The following IL19 variants were observed in gnomAD, a reference collection of about 807,000 sequenced individuals.
The protein encoded by IL19 is interleukin 19.
In IL19, 15 loss-of-function variants were observed where a neutral mutation model predicts 19.5. The ratio of observed to expected loss-of-function variants is 0.77; its 90% CI spans 0.52 to 1.19. IL19 has a LOEUF of 1.19. IL19 is among the 50% of genes most tolerant of loss of function. IL19 has a pLI of 0.00. For synonymous variants in IL19, 78 were observed against 78.3 expected (o/e 1.00, Z 0.02); for missense variants, 199 against 213.1 (o/e 0.93, Z 0.41).
chr1:206,776,670 C>T lies in IL19; in HGVS notation c.-149+5592C>T, dbSNP rs537854400. 4.1e-4 allele frequency among the ~76,000 whole-genome samples: 63 copies of T among 152,030 alleles called. 1 individual carries two copies. Among genetic ancestry groups the T allele is most frequent in the East Asian group, 1.4e-3 (7 of 5,172 alleles). On this transcript the variant is annotated intron_variant, in intron 1 of 6. Coordinates refer to ENST00000659997, the MANE Select transcript of IL19 (RefSeq NM_153758.5). ...AGGTGACCGCATATACCTTTAAACA[C>T]GGGGCTTGCAACTTAGCTCACACCC... is the stretch of plus-strand genomic sequence containing the variant.
chr1:206,796,266 G>A (rs973607733), intron 1 of IL19, among the ~76,000 whole-genome samples: 5 of 152,096 alleles, frequency 3.3e-5, no homozygotes, highest in Admixed American at 6.5e-5. Flanking sequence ...ACTGGCAGGG[G>A]CAATCTGCTT....
At position 206,777,801 on chromosome 1, in the gene IL19, T is replaced by C. The variant is rs534206813; in HGVS notation, c.-149+6723T>C. On this transcript the variant is annotated intron_variant, in intron 1 of 6. Transcript: ENST00000659997. Reference sequence around the variant, plus strand: ...AGCTGATAACGGGAGTTTCATTTCTTCTTATCCAGGACATTTAGTGTGTAA... The same window carrying C: ...AGCTGATAACGGGAGTTTCATTTCTCCTTATCCAGGACATTTAGTGTGTAA... Among the ~76,000 whole-genome samples, 3 of 152,380 alleles carry C rather than the reference T, an allele frequency of 2.0e-5. No individual in the cohort carries two copies. The South Asian group carries it at 6.2e-4, about 32-fold the overall frequency.
At chr1:206,789,475 T>C (rs1305678401) in intron 1 of IL19, among the ~76,000 whole-genome samples, 1 of 152,226 alleles carries the variant, frequency 6.6e-6, no homozygotes. Context: ...CCTAGAATAA[T>C]GGCCTCCAGT....
At chr1:206,834,544 G>A in intron 2 of IL19, 1 of 629,134 alleles carries the variant, frequency 1.6e-6, no homozygotes, top group African/African-American at 2.0e-5. Context: ...AATGGGAAGG[G>A]GTACTCTATA....
chr1:206,834,599 A>G (rs1676721699), intron 2 of IL19, among the ~76,000 whole-genome samples: 1 of 152,234 alleles, frequency 6.6e-6, no homozygotes, highest in Non-Finnish European at 1.5e-5. Flanking sequence ...GAGAAGAGAT[A>G]GAGAGTGGGA....
rs147523856 is a variant in IL19 at position 206,839,015 on chromosome 1, G to A, written c.211-835G>A. On this transcript the variant is annotated intron_variant, in intron 4 of 6. Transcript: ENST00000659997. ...AGGCTTTGCTTCTTGAATGAAGATGGGTGTGCTGTCCCACCGTTAACCACT... is the reference window on the plus strand; with the variant it reads ...AGGCTTTGCTTCTTGAATGAAGATGAGTGTGCTGTCCCACCGTTAACCACT... 1.2e-3 allele frequency among the ~76,000 whole-genome samples: 176 copies of A among 152,230 alleles called. 1 individual carries two copies. Among genetic ancestry groups the A allele is most frequent in the African/African-American group, 4.1e-3 (171 of 41,540 alleles).
intron 2 of IL19, among the ~76,000 whole-genome samples, chr1:206,832,504 T>C (rs1217241169): frequency 2.0e-5 from 3 of 152,214 alleles, no homozygotes; most frequent in African/African-American, 7.2e-5. Context: ...TGCCTGGCCA[T>C]ACCCTCGTCT....
chr1:206,772,513 C>A, intron 1 of IL19: 1 of 1,349,016 alleles, frequency 7.4e-7, no homozygotes, highest in South Asian at 1.2e-5. Flanking sequence ...ACCTCTCTGT[C>A]CCCCTTTTAT....
In IL19 at chr1:206,807,115, C is replaced by G. The variant is rs1204849311; in HGVS notation, c.-3+8109C>G. ...AGTGCTGAGCAAAGAGGGAAAAGCC[C>G]CTTACAAAACCAGCAGATCTCATGA... On this transcript the variant is annotated intron_variant, in intron 2 of 6. Coordinates refer to ENST00000659997, the MANE Select transcript of IL19 (RefSeq NM_153758.5). Among the ~76,000 whole-genome samples, 2 of 152,092 alleles carry G rather than the reference C, an allele frequency of 1.3e-5. 1 individual carries two copies. Among genetic ancestry groups the G allele is most frequent in the Non-Finnish European group, 2.9e-5 (2 of 68,008 alleles).
At chr1:206,806,410 C>G (rs1558613395) in intron 2 of IL19, among the ~76,000 whole-genome samples, 1 of 152,062 alleles carries the variant, frequency 6.6e-6, no homozygotes, top group Non-Finnish European at 1.5e-5. Flanking sequence ...TAAAATACTA[C>G]AAAAACTCAA....
chr1:206,780,359 G>T (rs528555423), intron 1 of IL19, among the ~76,000 whole-genome samples: 7 of 152,326 alleles, frequency 4.6e-5, no homozygotes, highest in African/African-American at 1.4e-4. Context: ...TTTGTTGGCT[G>T]ACTGGGCGGC....
intron 2 of IL19, among the ~76,000 whole-genome samples, chr1:206,826,126 C>T (rs923832559): frequency 6.6e-6 from 1 of 152,170 alleles, no homozygotes; most frequent in Non-Finnish European, 1.5e-5. Context: ...CAAAATAAGT[C>T]CTCAAGGGCT....
chr1:206,807,543 A>T (rs894062399), intron 2 of IL19, among the ~76,000 whole-genome samples: 2 of 152,094 alleles, frequency 1.3e-5, no homozygotes, highest in African/African-American at 4.8e-5. Flanking sequence ...CTTTCTCATT[A>T]CATCTCAGCT....
chr1:206,817,020 A>T (rs571859260), intron 2 of IL19, among the ~76,000 whole-genome samples: 27 of 152,342 alleles, frequency 1.8e-4, no homozygotes, highest in African/African-American at 5.5e-4. Context: ...AGCTGGCAGG[A>T]TATCAGATAA....
At position 206,774,934 on chromosome 1, in the gene IL19, T is replaced by TAC. The variant is rs545819491; in HGVS notation, c.-149+3870_-149+3871dup. Among the ~76,000 whole-genome samples, 286 of 151,304 alleles carry TAC rather than the reference T, an allele frequency of 1.9e-3. 1 individual carries two copies. The highest frequency in any genetic ancestry group is 9.5e-3 in the East Asian group (49 of 5,158). On this transcript the variant is annotated intron_variant, in intron 1 of 6. Transcript: ENST00000659997. ...TCCTTATATGAGATGTGTGTGTAAA[T>TAC]ACACACACACACACATACAAAATGT...
intron 2 of IL19, among the ~76,000 whole-genome samples, chr1:206,834,859 G>A (rs1229164941): frequency 6.6e-6 from 1 of 152,174 alleles, no homozygotes; most frequent in African/African-American, 2.4e-5. Context: ...GGGTGGAGTA[G>A]CAGTAAAGAC....
chr1:206,797,111 TAG>T (rs1340065328), intron 1 of IL19, among the ~76,000 whole-genome samples: 2 of 152,194 alleles, frequency 1.3e-5, no homozygotes, highest in Non-Finnish European at 2.9e-5. Context: ...CCCTGCAGTG[TAG>T]AGACTTTGCT....
chr1:206,774,002 C>T (rs1317155008), intron 1 of IL19, among the ~76,000 whole-genome samples: 1 of 152,194 alleles, frequency 6.6e-6, no homozygotes, highest in Non-Finnish European at 1.5e-5. Flanking sequence ...AGGGCATTTC[C>T]AGTGTTCTGC....
At chr1:206,837,131 T>C (rs1264580355) in intron 4 of IL19, 108 bp downstream of exon 4, 1 of 883,020 alleles carries the variant, frequency 1.1e-6, no homozygotes, top group Non-Finnish European at 1.8e-6. Context: ...TAATCTCCAA[T>C]GTACTCTAAA....
Sources: allele counts gnomAD v4.1 joint callset (sites outside exome capture counted in the v4.1 genomes callset), GRCh38; gene constraint gnomAD v4.1.1; transcripts MANE v1.5; gene names NCBI Gene and HGNC (gene_info 2026-07-23, HGNC 2026-07-21).